ATP8A2: variants seen among roughly 807,000 people sequenced by gnomAD.
ATP8A2 encodes ATPase phospholipid transporting 8A2.
Under a neutral mutation model 165.6 loss-of-function variants are expected in ATP8A2, and 100 were observed. The observed-to-expected ratio is 0.60, with a 90% CI of 0.51 to 0.71. ATP8A2 has a LOEUF of 0.71. ATP8A2 is among the 30% of genes least tolerant of loss of function. ATP8A2 has a pLI of 0.00. For synonymous variants in ATP8A2, 543 were observed against 548.8 expected (o/e 0.99, Z 0.15); for missense variants, 1,227 against 1,479.5 (o/e 0.83, Z 2.80).
At chr13:25,635,558 A>C (rs1048177862) in intron 24 of ATP8A2, among the ~76,000 whole-genome samples, 3 of 152,192 alleles carry the variant, frequency 2.0e-5, no homozygotes, top group African/African-American at 7.2e-5. Flanking sequence ...AGGATTTTCC[A>C]AACTCAATTG....
At chr13:25,472,161 A>C (rs971734240) in intron 2 of ATP8A2, among the ~76,000 whole-genome samples, 7 of 152,194 alleles carry the variant, frequency 4.6e-5, no homozygotes, top group Admixed American at 2.6e-4. Context: ...TGGGAGGCCA[A>C]GGTGGGTGGA....
intron 24 of ATP8A2, among the ~76,000 whole-genome samples, chr13:25,670,620 A>T (rs954733134): frequency 6.6e-6 from 1 of 152,226 alleles, no homozygotes; most frequent in African/African-American, 2.4e-5. Flanking sequence ...CATAAATGTG[A>T]TTTAAAATTT....
chr13:25,507,261 G>T (rs559296638), intron 2 of ATP8A2, among the ~76,000 whole-genome samples: 1 of 108,456 alleles, frequency 9.2e-6, no homozygotes, highest in Non-Finnish European at 1.8e-5. Flanking sequence ...GTGTGTGTGT[G>T]TGTATTTTGT....
intron 33 of ATP8A2, among the ~76,000 whole-genome samples, chr13:25,866,562 C>A (rs568994106): frequency 6.6e-6 from 1 of 152,202 alleles, no homozygotes; most frequent in Non-Finnish European, 1.5e-5. Context: ...GGTTGCTTGT[C>A]AAAATGACAA....
chr13:25,770,757 C>G (rs1025113708), intron 26 of ATP8A2, among the ~76,000 whole-genome samples: 1 of 152,128 alleles, frequency 6.6e-6, no homozygotes, highest in Non-Finnish European at 1.5e-5. Context: ...CTCCAGATTG[C>G]GATACATCAT....
chr13:25,948,058 C>CT (rs1263847450), intron 33 of ATP8A2, among the ~76,000 whole-genome samples: 2 of 152,190 alleles, frequency 1.3e-5, no homozygotes, highest in Admixed American at 6.5e-5. Flanking sequence ...TTAGACTTAG[C>CT]TTTCTCTTGG....
chr13:25,996,922 G>A (rs1329155722), intron 35 of ATP8A2, among the ~76,000 whole-genome samples: 2 of 152,180 alleles, frequency 1.3e-5, no homozygotes, highest in Non-Finnish European at 2.9e-5. Flanking sequence ...GACCTCAGAT[G>A]ATCCTCCCAC....
chr13:25,791,192 A>T (rs534674329), intron 27 of ATP8A2, among the ~76,000 whole-genome samples: 3 of 152,328 alleles, frequency 2.0e-5, no homozygotes, highest in African/African-American at 7.2e-5. Flanking sequence ...ACACCATGGG[A>T]TACTATGCAG....
intron 24 of ATP8A2, among the ~76,000 whole-genome samples, chr13:25,688,982 A>T (rs2042665891): frequency 6.6e-6 from 1 of 152,226 alleles, no homozygotes; most frequent in Non-Finnish European, 1.5e-5. Context: ...GAAATTTGTC[A>T]CTGTTTTCAT....
chr13:25,926,273 G>A (rs1954603122), intron 33 of ATP8A2, among the ~76,000 whole-genome samples: 1 of 152,064 alleles, frequency 6.6e-6, no homozygotes, highest in Non-Finnish European at 1.5e-5. Context: ...CTGGGGCCTT[G>A]CCTATACCTA....
chr13:25,698,764 T>A (rs1405211283), intron 24 of ATP8A2, among the ~76,000 whole-genome samples: 1 of 152,186 alleles, frequency 6.6e-6, no homozygotes, highest in Non-Finnish European at 1.5e-5. Flanking sequence ...AAAATTAATA[T>A]TTTGTCATAT....
In ATP8A2 at chr13:25,953,147, A is replaced by G. The variant is rs1415388047; in HGVS notation, c.3184-8428A>G. Among the ~76,000 whole-genome samples the G allele has an allele frequency of 6.6e-6, 1 of 152,006 alleles. No individual in the cohort carries two copies. The highest frequency in any genetic ancestry group is 1.5e-5 in the Non-Finnish European group (1 of 68,022). Reference sequence around the variant, plus strand: ...TGTTGTCGATGCTGGGTGGGAATGGATTGGAAAAATTGTCCCCTCCTGTGT... The same window carrying G: ...TGTTGTCGATGCTGGGTGGGAATGGGTTGGAAAAATTGTCCCCTCCTGTGT... On this transcript the variant is annotated intron_variant, in intron 33 of 36. Coordinates refer to ENST00000381655, the MANE Select transcript of ATP8A2 (RefSeq NM_016529.6). The surrounding 1 kb of genome is among the most constrained non-coding windows in gnomAD (Gnocchi z 6.7).
chr13:25,836,867 T>G (rs1161381357), intron 28 of ATP8A2, among the ~76,000 whole-genome samples: 1 of 152,246 alleles, frequency 6.6e-6, no homozygotes, highest in Non-Finnish European at 1.5e-5. Flanking sequence ...AACTGTGGCA[T>G]GATTCCACAT....
chr13:25,673,323 A>C (rs369132530), intron 24 of ATP8A2, among the ~76,000 whole-genome samples: 1 of 152,218 alleles, frequency 6.6e-6, no homozygotes, highest in East Asian at 1.9e-4. Flanking sequence ...GTTTAACGCC[A>C]CAGAAATTTT....
chr13:25,465,701 T>TTCTC, intron 1 of ATP8A2, among the ~76,000 whole-genome samples: 1 of 19,790 alleles, frequency 5.1e-5, no homozygotes, highest in Middle Eastern at 0.021. Flanking sequence ...CTTTCTTTCT[T>TTCTC]TCTTTCTTTC....
intron 24 of ATP8A2, among the ~76,000 whole-genome samples, chr13:25,668,030 T>C (rs965292020): frequency 2.0e-5 from 3 of 152,186 alleles, no homozygotes; most frequent in African/African-American, 7.2e-5. Flanking sequence ...AGTTATTGTT[T>C]TGTGCACGAG....
intron 24 of ATP8A2, among the ~76,000 whole-genome samples, chr13:25,602,736 A>G (rs559112182): frequency 1.3e-5 from 2 of 152,330 alleles, no homozygotes; most frequent in Admixed American, 6.5e-5. Flanking sequence ...AATGGGTGTC[A>G]TTGGAATCTG....
Position 25,931,845 on chromosome 13 carries a change from G to A in ATP8A2, c.3184-29730G>A, listed in dbSNP as rs773277862. ...GCGTTTCACCTGAAGTCAGGAGTTC[G>A]AGACCAGCCTGGCCAACATGGAGAA... On this transcript the variant is annotated intron_variant, in intron 33 of 36. Coordinates refer to ENST00000381655, the MANE Select transcript of ATP8A2 (RefSeq NM_016529.6). Among the ~76,000 whole-genome samples, 13 of 152,014 alleles carry A rather than the reference G, an allele frequency of 8.6e-5. 1 individual carries two copies. In the South Asian group the frequency reaches 1.9e-3, roughly 22 times the overall value.
At chr13:25,992,606 A>C (rs1956416905) in intron 35 of ATP8A2, among the ~76,000 whole-genome samples, 1 of 152,160 alleles carries the variant, frequency 6.6e-6, no homozygotes, top group Admixed American at 6.5e-5. Flanking sequence ...TTTTGGTGTC[A>C]AGTCTAAGAG....
Sources: allele counts gnomAD v4.1 joint callset (sites outside exome capture counted in the v4.1 genomes callset), GRCh38; gene constraint gnomAD v4.1.1; non-coding constraint Gnocchi (gnomAD v3.1); transcripts MANE v1.5; gene names NCBI Gene and HGNC (gene_info 2026-07-23, HGNC 2026-07-21).